The following NCOR1 variants were observed in gnomAD, a reference collection of about 807,000 sequenced individuals.
NCOR1 encodes nuclear receptor corepressor 1.
NCOR1 carries 63 observed loss-of-function variants against 288.1 expected under a neutral mutation model. That is an observed-to-expected ratio of 0.22 (90% CI 0.18 to 0.27). NCOR1 has a LOEUF of 0.27. NCOR1 is among the 10% of genes least tolerant of loss of function. The pLI is 1.00. For synonymous variants in NCOR1, 1,007 were observed against 1,065.9 expected, an observed-to-expected ratio of 0.94 and a Z score of 1.08; for missense variants, 2,397 against 3,019.2, an observed-to-expected ratio of 0.79 and a Z score of 4.83.
chr17:16,134,999 T>C (rs2077933225), intron 14 of NCOR1, among the ~76,000 whole-genome samples: 1 of 151,346 alleles, frequency 6.6e-6, no homozygotes, highest in South Asian at 2.1e-4. Flanking sequence ...CTCTACTAAA[T>C]ATACAAAAAA....
chr17:16,195,673 T>G (rs1184126458), intron 1 of NCOR1, among the ~76,000 whole-genome samples: 1 of 152,198 alleles, frequency 6.6e-6, no homozygotes, highest in Non-Finnish European at 1.5e-5. Flanking sequence ...TGCTGCTACT[T>G]TCACCGCCTT....
intron 40 of NCOR1, among the ~76,000 whole-genome samples, chr17:16,052,339 T>C (rs1038114880): frequency 6.6e-6 from 1 of 151,980 alleles, no homozygotes; most frequent in Admixed American, 6.6e-5. Context: ...ATCTGGTTTT[T>C]AGAAAAAATT....
At chr17:16,171,526 T>TA (rs2083139362) in intron 4 of NCOR1, among the ~76,000 whole-genome samples, 2 of 152,140 alleles carry the variant, frequency 1.3e-5, no homozygotes, top group South Asian at 2.1e-4. Context: ...AGCAAGCCAG[T>TA]AAAAAAATGC....
chr17:16,193,583 G>A (rs79512806), intron 2 of NCOR1, among the ~76,000 whole-genome samples: 5 of 151,968 alleles, frequency 3.3e-5, no homozygotes, highest in African/African-American at 4.8e-5. Context: ...ATTGGTAATC[G>A]GATGAATAAC....
At chr17:16,150,039 T>C (rs758971813) in intron 8 of NCOR1, among the ~76,000 whole-genome samples, 2 of 152,138 alleles carry the variant, frequency 1.3e-5, no homozygotes, top group Non-Finnish European at 2.9e-5. Flanking sequence ...TGGAGGGCAA[T>C]GTGTCAAAAC....
chr17:16,080,060 G>C lies in NCOR1; in HGVS notation c.3405C>G (p.Thr1135=). ...TACTTCCTTCTTGTATGGCTCCTGC[G>C]GTACCTGAATACAAACAAAGCTATT... ...RAQHEGVVRG[T]AGAIQEGSIT... is the part of the protein sequence containing the mutation. The change falls in exon 26 of 46, where the codon ACC becomes ACG. Residue 1135 remains threonine, a synonymous_variant. Transcript: ENST00000268712. The C allele has an allele frequency of 6.2e-7, 1 of 1,613,328 alleles. No individual in the cohort carries two copies. The highest frequency in any genetic ancestry group is 8.5e-7 in the Non-Finnish European group (1 of 1,179,566).
At chr17:16,034,127 C>T (rs536095671) in intron 45 of NCOR1, among the ~76,000 whole-genome samples, 1 of 152,320 alleles carries the variant, frequency 6.6e-6, no homozygotes, top group African/African-American at 2.4e-5. Flanking sequence ...CATTCAGGTA[C>T]AGTTCTCAAA....
rs8071774 is a variant in NCOR1, at chr17:16,199,244, C to G, written c.-70-4605G>C. On this transcript the variant is annotated intron_variant, in intron 1 of 45. Transcript: ENST00000268712. ...ACACACACACACACACACACACACA[C>G]TAGCAAAATCAGGAAATTAGCCCCT... Among the ~76,000 whole-genome samples the G allele has an allele frequency of 1.0e-2, 1,375 of 137,660 alleles. 23 individuals are homozygous for G. The highest frequency in any genetic ancestry group is 0.034 in the African/African-American group (1,293 of 37,626). The allele number at this position is 137,660 out of a possible 152,430, so 90.3% of individuals were successfully genotyped here.
At chr17:16,092,381 G>A (rs1042995330) in intron 21 of NCOR1, among the ~76,000 whole-genome samples, 4 of 151,716 alleles carry the variant, frequency 2.6e-5, no homozygotes, top group African/African-American at 9.7e-5. Flanking sequence ...CAGCTACTCG[G>A]GAGGCTGACA....
chr17:16,151,808 T>A (rs1318558755), intron 8 of NCOR1, 138 bp downstream of exon 8: 2 of 921,836 alleles, frequency 2.2e-6, no homozygotes, highest in Admixed American at 2.5e-5. Context: ...AGATAACATA[T>A]AATAAAACGA....
At chr17:16,162,775 T>TC (rs1599692235) in intron 5 of NCOR1, among the ~76,000 whole-genome samples, 1 of 152,284 alleles carries the variant, frequency 6.6e-6, no homozygotes. Context: ...TAAGAGATGT[T>TC]CTTCAGTAGA....
At chr17:16,160,540 C>A (rs2153424808) in intron 5 of NCOR1, among the ~76,000 whole-genome samples, 1 of 152,214 alleles carries the variant, frequency 6.6e-6, no homozygotes, top group African/African-American at 2.4e-5. Context: ...ACCTGTAATC[C>A]CAGCACTTTG....
chr17:16,062,367 T>TA (rs1427983480), intron 35 of NCOR1, 97 bp from the exon 36 acceptor site: 3 of 1,197,214 alleles, frequency 2.5e-6, no homozygotes, highest in Non-Finnish European at 3.3e-6. Context: ...CTAACATACC[T>TA]AAATAGAAAA....
At position 16,067,879 on chromosome 17, in the gene NCOR1, A is replaced by G. The variant is rs759171755; in HGVS notation, c.4741+15T>C. On this transcript the variant is annotated intron_variant, in intron 32 of 45. Coordinates refer to ENST00000268712, the MANE Select transcript of NCOR1 (RefSeq NM_006311.4). ...TATTTATTTGCCATAAATTATCACT[A>G]TATTTTGTGTTTACCAGGATCCAAA... 2 of 1,601,564 alleles carry G rather than the reference A, an allele frequency of 1.2e-6. No individual in the cohort carries two copies. Among genetic ancestry groups the G allele is most frequent in the South Asian group, 2.2e-5 (2 of 89,590 alleles).
At chr17:16,065,044 TGTTAA>T in intron 33 of NCOR1, 25 bp from the exon 34 acceptor site, 1 of 1,606,020 alleles carries the variant, frequency 6.2e-7, no homozygotes, top group Non-Finnish European at 8.5e-7. Context: ...ATACAATTTA[TGTTAA>T]GTGTTATTCT....
In NCOR1 at chr17:16,126,304, T is replaced by C. The variant is rs531257443; in HGVS notation, c.1510-98A>G. 1.8e-4 allele frequency: 221 copies of C among 1,206,784 alleles called. 1 individual carries two copies. In the South Asian group the frequency reaches 3.1e-3, roughly 17 times the overall value. The allele number at this position is 1,206,784 out of a possible 1,614,324, so 74.8% of individuals were successfully genotyped here. A position where few individuals can be genotyped will look rare whatever the true frequency, so the allele number is the denominator to read the frequency against. On this transcript the variant is annotated intron_variant, in intron 14 of 45. Transcript: ENST00000268712. ...GTCTATCTAAAAAAATTTTAAATGATTGTTAGTCATTTACAATGTAACTGG... is the reference window on the plus strand; with the variant it reads ...GTCTATCTAAAAAAATTTTAAATGACTGTTAGTCATTTACAATGTAACTGG...
intron 44 of NCOR1, among the ~76,000 whole-genome samples, chr17:16,035,500 TCTTCAGG>T (rs1332866908): frequency 6.6e-6 from 1 of 151,500 alleles, no homozygotes; most frequent in East Asian, 1.9e-4. Context: ...TTCAGTTACA[TCTTCAGG>T]CTCCACTACT....
chr17:16,168,979 C>T (rs73280298), intron 4 of NCOR1, among the ~76,000 whole-genome samples: 1 of 146,176 alleles, frequency 6.8e-6, no homozygotes, highest in Non-Finnish European at 1.5e-5. Flanking sequence ...AAAAAAAAAA[C>T]AATGCATGTC....
intron 42 of NCOR1, chr17:16,044,991 G>T: frequency 1.0e-4 from 39 of 376,480 alleles, no homozygotes; most frequent in East Asian, 2.1e-4. Flanking sequence ...ATACAAAGCT[G>T]AACTTAAGAA....
Sources: gnomAD v4.1 joint callset for allele counts (sites outside exome capture counted in the v4.1 genomes callset) on GRCh38, gnomAD v4.1.1 for gene constraint, MANE v1.5 for transcripts, NCBI Gene and HGNC (gene_info 2026-07-23, HGNC 2026-07-21) for gene names.